PLPP1: variants seen among roughly 807,000 people sequenced by gnomAD.
PLPP1 encodes lipid phosphate phosphohydrolase 1a.
In PLPP1, 24 loss-of-function variants were observed where a neutral mutation model predicts 31.2. The observed-to-expected ratio is 0.77, with a 90% CI of 0.56 to 1.08. The LOEUF (loss-of-function observed/expected upper bound fraction) is 1.08. Among genes scored for constraint, PLPP1 ranks in the 50% least tolerant of loss-of-function variants. PLPP1 has a pLI of 0.00. For missense variants in PLPP1, 319 were observed against 342.7 expected (o/e 0.93, Z 0.55); for synonymous variants, 146 against 126.3 (o/e 1.16, Z -1.05).
chr5:55,470,770 GAAGTTTACA>G (rs972127225), intron 2 of PLPP1, among the ~76,000 whole-genome samples: 1 of 152,096 alleles, frequency 6.6e-6, no homozygotes, highest in Non-Finnish European at 1.5e-5. Flanking sequence ...AACCTTTCAT[GAAGTTTACA>G]CCTAAGCCAA....
chr5:55,524,536 T>G (rs1579986195), intron 1 of PLPP1, among the ~76,000 whole-genome samples: 1 of 152,118 alleles, frequency 6.6e-6, no homozygotes, highest in Admixed American at 6.6e-5. Flanking sequence ...TTGGGCCAGG[T>G]GCAGTGGCTC....
chr5:55,492,254 G>A (rs1752911706), intron 1 of PLPP1, among the ~76,000 whole-genome samples: 1 of 152,150 alleles, frequency 6.6e-6, no homozygotes, highest in African/African-American at 2.4e-5. Flanking sequence ...AACCTAAATT[G>A]TATATGTAGA....
At chr5:55,446,813 G>A (rs1751775389) in intron 3 of PLPP1, among the ~76,000 whole-genome samples, 1 of 152,200 alleles carries the variant, frequency 6.6e-6, no homozygotes, top group African/African-American at 2.4e-5. Context: ...CCCACGGGGA[G>A]GATGCTGCCA....
intron 1 of PLPP1, among the ~76,000 whole-genome samples, chr5:55,501,654 A>G (rs948493215): frequency 1.3e-5 from 2 of 152,102 alleles, no homozygotes; most frequent in African/African-American, 2.4e-5. Context: ...ACAAGAATGC[A>G]CTACCAAACC....
intron 1 of PLPP1, among the ~76,000 whole-genome samples, chr5:55,512,277 C>T (rs1753431807): frequency 6.6e-6 from 1 of 150,496 alleles, no homozygotes; most frequent in South Asian, 2.1e-4. Flanking sequence ...TCAAGACCAG[C>T]CTGACCAACA....
intron 4 of PLPP1, among the ~76,000 whole-genome samples, chr5:55,426,658 T>C (rs111354592): frequency 7.2e-5 from 11 of 152,144 alleles, no homozygotes; most frequent in South Asian, 4.2e-4. Context: ...CCCGCCTGCA[T>C]TGGCCTCCCA....
At chr5:55,533,984 G>T (rs906384910) in intron 1 of PLPP1, among the ~76,000 whole-genome samples, 1 of 152,086 alleles carries the variant, frequency 6.6e-6, no homozygotes, top group Non-Finnish European at 1.5e-5. Flanking sequence ...CAAGGAAACA[G>T]GTCTGGGGTA....
Position 55,434,478 on chromosome 5 carries a change from T to G in PLPP1, c.549+7373A>C, listed in dbSNP as rs144132256. ...AAAAAGAGCCAGAAAGCCAAAGTAA[T>G]CCTGAGCAAAATGAAAAAAAGCTTG... On this transcript the variant is annotated intron_variant, in intron 4 of 5. Transcript: ENST00000307259. Among the ~76,000 whole-genome samples the G allele has an allele frequency of 5.1e-3, 777 of 151,826 alleles. 9 individuals are homozygous for G. The highest frequency in any genetic ancestry group is 0.017 in the African/African-American group (712 of 41,394).
rs774738368 is a variant in PLPP1 at position 55,425,825 on chromosome 5, G to A, written c.726+38C>T. On this transcript the variant is annotated intron_variant, in intron 5 of 5. Transcript: ENST00000307259. Reference sequence around the variant, plus strand: ...TTCTATTTACTTATATAAATGTTTAGCAATATCAAGATGTAGGCTGTTGAC... The same window carrying A: ...TTCTATTTACTTATATAAATGTTTAACAATATCAAGATGTAGGCTGTTGAC... 4.8e-6 allele frequency: 7 copies of A among 1,462,968 alleles called. No homozygotes were observed. In the East Asian group the frequency reaches 9.5e-5, roughly 20 times the overall value. 90.6% of individuals were successfully genotyped at this position (1,462,968 alleles called of 1,614,324 possible). A position where few individuals can be genotyped will look rare whatever the true frequency, so the allele number is the denominator to read the frequency against.
chr5:55,430,335 G>T lies in PLPP1; in HGVS notation c.550-4296C>A, dbSNP rs185818405. The stretch of plus-strand genomic sequence containing the variant: ...CAGTGCCAGCATACACTGCCCCAGG[G>T]CCCAAGGACAGGCATGCTCAGCCTG... On this transcript the variant is annotated intron_variant, in intron 4 of 5. Transcript: ENST00000307259. 1.3e-3 allele frequency among the ~76,000 whole-genome samples: 203 copies of T among 152,258 alleles called. 2 individuals carry two copies. In the Middle Eastern group the frequency reaches 0.024, roughly 18 times the overall value.
intron 1 of PLPP1, among the ~76,000 whole-genome samples, chr5:55,514,189 G>C (rs1753504485): frequency 6.6e-6 from 1 of 152,082 alleles, no homozygotes; most frequent in Non-Finnish European, 1.5e-5. Context: ...GACCTGCCTA[G>C]ACAACATAAC....
rs1248461802 is a variant in PLPP1 at position 55,433,697 on chromosome 5, C to T, written c.550-7658G>A. ...TCCATTTCCAACAGAGACGGTTTCA[C>T]TGTGTTAGCCAGGATGGTCTCGATC... On this transcript the variant is annotated intron_variant, in intron 4 of 5. Coordinates refer to ENST00000307259, the MANE Select transcript of PLPP1 (RefSeq NM_003711.4). Among the ~76,000 whole-genome samples, 3 of 150,958 alleles carry T rather than the reference C, an allele frequency of 2.0e-5. No homozygotes were observed. In the East Asian group the frequency reaches 6.2e-4, roughly 31 times the overall value.
intron 1 of PLPP1, among the ~76,000 whole-genome samples, chr5:55,532,972 GAC>G (rs1200532070): frequency 7.5e-4 from 94 of 124,544 alleles, no homozygotes; most frequent in Non-Finnish European, 1.4e-3. Context: ...AAAAAAAAAA[GAC>G]AATGTGCCAA....
rs115574692 is a variant in PLPP1, at chr5:55,533,621, T to G, written c.58+951A>C. The stretch of plus-strand genomic sequence containing the variant: ...GCCACAGATCTCCCACCCTGAGAAC[T>G]TGCCAATACTACTACTATTCTGATT... On this transcript the variant is annotated intron_variant, in intron 1 of 5. Coordinates refer to ENST00000307259, the MANE Select transcript of PLPP1 (RefSeq NM_003711.4). Among the ~76,000 whole-genome samples the G allele has an allele frequency of 3.8e-3, 575 of 152,302 alleles. 4 individuals are homozygous for G. Among genetic ancestry groups the G allele is most frequent in the African/African-American group, 0.013 (546 of 41,576 alleles).
chr5:55,438,524 G>A (rs1751546707), intron 4 of PLPP1, among the ~76,000 whole-genome samples: 1 of 152,192 alleles, frequency 6.6e-6, no homozygotes, highest in African/African-American at 2.4e-5. Context: ...ACCCAAATCT[G>A]AGACTGACTC....
At chr5:55,434,627 T>C (rs1338364745) in intron 4 of PLPP1, among the ~76,000 whole-genome samples, 1 of 152,138 alleles carries the variant, frequency 6.6e-6, no homozygotes, top group African/African-American at 2.4e-5. Context: ...TAAGTCCACG[T>C]ATTTACAGCC....
chr5:55,488,577 C>T (rs183593209), intron 1 of PLPP1, among the ~76,000 whole-genome samples: 76 of 151,934 alleles, frequency 5.0e-4, no homozygotes, highest in East Asian at 3.7e-3. Context: ...ACCTGGGAGG[C>T]GGAGGTTGCA....
chr5:55,430,778 A>G (rs1187505133), intron 4 of PLPP1, among the ~76,000 whole-genome samples: 1 of 152,204 alleles, frequency 6.6e-6, no homozygotes, highest in Non-Finnish European at 1.5e-5. Flanking sequence ...ATTCAAAATA[A>G]TGATTCAAAA....
intron 1 of PLPP1, among the ~76,000 whole-genome samples, chr5:55,499,534 A>G (rs1753088662): frequency 6.6e-6 from 1 of 152,212 alleles, no homozygotes; most frequent in Non-Finnish European, 1.5e-5. Context: ...TGCTAGTCTC[A>G]GAGCAATTTA....
Sources: allele counts gnomAD v4.1 joint callset (sites outside exome capture counted in the v4.1 genomes callset), GRCh38; gene constraint gnomAD v4.1.1; transcripts MANE v1.5; gene names NCBI Gene and HGNC (gene_info 2026-07-23, HGNC 2026-07-21).